Variants in RIMBP2 observed in about 807,000 individuals in gnomAD.
RIMBP2 encodes the protein RIMS binding protein 2, also known as RIMS-binding protein 2.
A neutral mutation model predicts 118.6 loss-of-function variants in RIMBP2; 48 were observed. That is an observed-to-expected ratio of 0.40 (90% CI 0.32 to 0.51). RIMBP2 has a LOEUF of 0.51. Among genes scored for constraint, RIMBP2 ranks in the 20% least tolerant of loss-of-function variants. The pLI is 0.41. For synonymous variants in RIMBP2, 762 were observed against 742.9 expected (o/e 1.03, Z -0.42); for missense variants, 1,551 against 1,768.3 (o/e 0.88, Z 2.20).
chr12:130,626,768 A>G (rs930799889), intron 2 of RIMBP2, among the ~76,000 whole-genome samples: 3 of 148,000 alleles, frequency 2.0e-5, no homozygotes, highest in Admixed American at 2.0e-4. Flanking sequence ...TGCCACGACT[A>G]CCTACCACCA....
At chr12:130,512,987 G>C (rs10848124) in intron 3 of RIMBP2, among the ~76,000 whole-genome samples, 46,693 of 151,656 alleles carry the variant, frequency 0.31, 8,614 homozygotes, top group East Asian at 0.53. Flanking sequence ...TTTTTTACTA[G>C]GAAAAAAAAT....
In RIMBP2 at chr12:130,617,531, C is replaced by G. The variant is rs149479079; in HGVS notation, c.-217+10791G>C. 8.3e-3 allele frequency among the ~76,000 whole-genome samples: 1,262 copies of G among 152,358 alleles called. 17 individuals are homozygous for G. Among genetic ancestry groups the G allele is most frequent in the African/African-American group, 0.028 (1,157 of 41,582 alleles). On this transcript the variant is annotated intron_variant, in intron 2 of 22. Transcript: ENST00000690449. The surrounding 1 kb of genome is among the most constrained non-coding windows in gnomAD (Gnocchi z 4.6). ...AACGACAAGCAGGTTTCAGCTGACACCAGCTTTAGATACTGCTAGAAGCTG... is the reference window on the plus strand; with the variant it reads ...AACGACAAGCAGGTTTCAGCTGACAGCAGCTTTAGATACTGCTAGAAGCTG...
Position 130,424,486 on chromosome 12 carries a change from C to T in RIMBP2, c.2785G>A (p.Glu929Lys), listed in dbSNP as rs914921805. The T allele has an allele frequency of 4.1e-5, 50 of 1,232,030 alleles. No individual in the cohort carries two copies. The highest frequency in any genetic ancestry group is 4.7e-5 in the Non-Finnish European group (46 of 987,862). The allele number at this position is 1,232,030 out of a possible 1,614,324, so 76.3% of individuals were successfully genotyped here. The stretch of plus-strand genomic sequence containing the variant: ...GTGTTTCCGAAGCCAAACCGCGACT[C>T]GTCCTCTTCACTCCCACAGTCCAGG... ...SGLDCGSEEDESRFGFGNTVA... is the reference protein window; with the variant it reads ...SGLDCGSEEDKSRFGFGNTVA... The change falls in exon 16 of 23, where the codon GAG becomes AAG. Residue 929 changes from glutamate to lysine, a missense_variant. Physicochemically the swap from Glu to Lys is moderately conservative, Grantham distance 56. Coordinates refer to ENST00000690449, the MANE Select transcript of RIMBP2 (RefSeq NM_001393629.1). The surrounding 1 kb of genome is among the most constrained non-coding windows in gnomAD (Gnocchi z 9.8).
chr12:130,628,736 C>A (rs1038160242), intron 1 of RIMBP2, among the ~76,000 whole-genome samples: 2 of 152,242 alleles, frequency 1.3e-5, no homozygotes, highest in African/African-American at 2.4e-5. Flanking sequence ...TTTGTGACTC[C>A]TTGAGTAGAC....
intron 19 of RIMBP2, among the ~76,000 whole-genome samples, chr12:130,410,842 G>C (rs191641047): frequency 1.0e-3 from 157 of 152,276 alleles, no homozygotes; most frequent in African/African-American, 3.5e-3. Flanking sequence ...GGCTACTCTA[G>C]TTCCTTTGCC....
chr12:130,512,652 G>A (rs1035777207), intron 3 of RIMBP2, among the ~76,000 whole-genome samples: 4 of 152,190 alleles, frequency 2.6e-5, no homozygotes, highest in African/African-American at 9.7e-5. Flanking sequence ...TCCTGGACTA[G>A]AACAGTCTCC....
intron 1 of RIMBP2, among the ~76,000 whole-genome samples, chr12:130,664,425 A>ACGCACGCACGCACACGCACG (rs1566439074): frequency 6.5e-5 from 5 of 76,988 alleles, no homozygotes; most frequent in Non-Finnish European, 1.4e-4. Context: ...ACACACGCAC[A>ACGCACGCACGCACACGCACG]CACATGCATG....
intron 2 of RIMBP2, among the ~76,000 whole-genome samples, chr12:130,535,768 T>C (rs76915710): frequency 0.2 from 24,845 of 122,008 alleles, 2,972 homozygotes; most frequent in African/African-American, 0.34. Context: ...TATATATATA[T>C]ATATATATAT....
intron 4 of RIMBP2, 43 bp downstream of exon 4, chr12:130,506,605 C>T (rs1593570692): frequency 1.0e-6 from 1 of 985,570 alleles, no homozygotes; most frequent in Admixed American, 6.1e-5. Flanking sequence ...ACACCGACCT[C>T]ACAAAGAGCA....
intron 1 of RIMBP2, among the ~76,000 whole-genome samples, chr12:130,701,903 G>A (rs2065874112): frequency 6.6e-6 from 1 of 152,050 alleles, no homozygotes; most frequent in South Asian, 2.1e-4. Context: ...GGAGGTACAT[G>A]CAGCCCACAC....
chr12:130,691,778 G>A (rs916811458), intron 1 of RIMBP2, among the ~76,000 whole-genome samples: 8 of 152,236 alleles, frequency 5.3e-5, no homozygotes, highest in African/African-American at 1.9e-4. Context: ...CATGGTAGGG[G>A]TGCCAGCACC....
At chr12:130,479,816 C>A (rs1034771501) in intron 4 of RIMBP2, among the ~76,000 whole-genome samples, 2 of 151,714 alleles carry the variant, frequency 1.3e-5, no homozygotes, top group African/African-American at 4.8e-5. Flanking sequence ...CTGTCCTCTC[C>A]CCCTGACAAT....
chr12:130,527,317 G>T (rs1173100023), intron 2 of RIMBP2, among the ~76,000 whole-genome samples: 2 of 152,218 alleles, frequency 1.3e-5, no homozygotes, highest in African/African-American at 2.4e-5. Flanking sequence ...GTTTCCCAGT[G>T]TCGGGGGAGG....
intron 1 of RIMBP2, among the ~76,000 whole-genome samples, chr12:130,696,312 T>C (rs2065574975): frequency 6.6e-6 from 1 of 152,228 alleles, no homozygotes; most frequent in South Asian, 2.1e-4. Flanking sequence ...GATGGGAGTC[T>C]GGGGGATGTG....
At chr12:130,602,254 C>G (rs912579200) in intron 2 of RIMBP2, among the ~76,000 whole-genome samples, 9 of 152,208 alleles carry the variant, frequency 5.9e-5, no homozygotes, top group Admixed American at 3.3e-4. Context: ...GGTAGGTACC[C>G]ACATTGTTCA....
Position 130,419,278 on chromosome 12 carries a change from C to A in RIMBP2, c.3238+3175G>T, listed in dbSNP as rs1452992894. On this transcript the variant is annotated intron_variant, in intron 17 of 22. Coordinates refer to ENST00000690449, the MANE Select transcript of RIMBP2 (RefSeq NM_001393629.1). This position sits in a 1 kb window ranked among gnomAD's most constrained non-coding sequence, Gnocchi z 4.3. ...GGGGGGAGTGGGCACTGCCTCCCAT[C>A]CTGCTGAGGAAGTGTGCTGGCCCAA... Among the ~76,000 whole-genome samples the A allele has an allele frequency of 6.6e-6, 1 of 152,146 alleles. No homozygotes were observed. Among genetic ancestry groups the A allele is most frequent in the African/African-American group, 2.4e-5 (1 of 41,430 alleles).
rs556986244 is a variant in RIMBP2 at position 130,689,846 on chromosome 12, T to C, written c.-352+26376A>G. On this transcript the variant is annotated intron_variant, in intron 1 of 22. Transcript: ENST00000690449. ...AGCCCCATGTGTTAGCTCATAGCTC[T>C]GTGGGTCAGGCGTCTGGGCAGGCTC... Among the ~76,000 whole-genome samples, 3 of 152,340 alleles carry C rather than the reference T, an allele frequency of 2.0e-5. No individual in the cohort carries two copies. In the East Asian group the frequency reaches 5.8e-4, roughly 29 times the overall value.
intron 4 of RIMBP2, among the ~76,000 whole-genome samples, chr12:130,486,633 C>T (rs1393665921): frequency 1.3e-5 from 2 of 151,662 alleles, no homozygotes; most frequent in Non-Finnish European, 2.9e-5. Context: ...ATCCCCTCAG[C>T]TCCTCCAGAT....
intron 7 of RIMBP2, among the ~76,000 whole-genome samples, chr12:130,455,148 C>G (rs2137470679): frequency 6.6e-6 from 1 of 152,368 alleles, no homozygotes; most frequent in South Asian, 2.1e-4. Context: ...CTCTGTGTGG[C>G]CCTTCACGGG....
Sources: gnomAD v4.1 joint callset for allele counts (sites outside exome capture counted in the v4.1 genomes callset) on GRCh38, gnomAD v4.1.1 for gene constraint, Gnocchi (gnomAD v3.1) non-coding constraint, MANE v1.5 for transcripts, NCBI Gene and HGNC (gene_info 2026-07-23, HGNC 2026-07-21) for gene names.